The following SAMD12 variants were observed in gnomAD, a reference collection of about 807,000 sequenced individuals.
The protein encoded by SAMD12 is sterile alpha motif domain-containing protein 12.
A neutral mutation model predicts 15.0 loss-of-function variants in SAMD12; 9 were observed. That is an observed-to-expected ratio of 0.60 (90% CI 0.36 to 1.05). The LOEUF is 1.05. SAMD12 is among the 50% of genes least tolerant of loss of function. SAMD12 has a pLI of 0.01. For synonymous variants in SAMD12, 86 were observed against 90.1 expected (o/e 0.96, Z 0.25); for missense variants, 230 against 234.2 (o/e 0.98, Z 0.12).
intron 2 of SAMD12, among the ~76,000 whole-genome samples, chr8:118,512,746 T>TCTTTGA (rs1481126221): frequency 1.3e-5 from 2 of 152,214 alleles, no homozygotes; most frequent in Non-Finnish European, 2.9e-5. Context: ...CTTTTGTGCC[T>TCTTTGA]CTTTGACATT....
rs2130684066 is a variant in SAMD12 at position 118,372,088 on chromosome 8, T to C, written c.433+7472A>G. ...ACTAAATAAAAGGCATGAAAGAGCCTGGAAATTCAAGTAGCATAATTTGAG... is the reference window on the plus strand; with the variant it reads ...ACTAAATAAAAGGCATGAAAGAGCCCGGAAATTCAAGTAGCATAATTTGAG... On this transcript the variant is annotated intron_variant, in intron 4 of 4. Transcript: ENST00000409003. 5.3e-5 allele frequency among the ~76,000 whole-genome samples: 8 copies of C among 152,256 alleles called. No homozygotes were observed. The South Asian group carries it at 1.7e-3, about 32-fold the overall frequency.
intron 4 of SAMD12, among the ~76,000 whole-genome samples, chr8:118,327,133 T>C (rs367992290): frequency 6.6e-6 from 1 of 152,228 alleles, no homozygotes; most frequent in African/African-American, 2.4e-5. Flanking sequence ...AGAATTCTAA[T>C]GTGATTGATT....
chr8:118,137,416 C>G, the SAMD12 span, among the ~76,000 whole-genome samples: 1 of 152,154 alleles, frequency 6.6e-6, no homozygotes, highest in Non-Finnish European at 1.5e-5. Context: ...AAGGGAGTGG[C>G]CTCTGGTTCT....
intron 2 of SAMD12, among the ~76,000 whole-genome samples, chr8:118,567,621 CTGCTA>C (rs1826887845): frequency 6.6e-6 from 1 of 152,176 alleles, no homozygotes; most frequent in Non-Finnish European, 1.5e-5. Context: ...GGCCAAAAAT[CTGCTA>C]TTGGGATTTG....
At chr8:118,418,108 T>C (rs4876415) in intron 3 of SAMD12, among the ~76,000 whole-genome samples, 35,868 of 152,192 alleles carry the variant, frequency 0.24, 4,686 homozygotes, top group Admixed American at 0.4. Flanking sequence ...TACTGTGGAA[T>C]AGGACGATTT....
chr8:118,276,339 T>A (rs928563130), intron 4 of SAMD12, among the ~76,000 whole-genome samples: 2 of 152,256 alleles, frequency 1.3e-5, no homozygotes, highest in South Asian at 2.1e-4. Flanking sequence ...GCCTGAAGAA[T>A]GTTAACTTTG....
At chr8:118,394,285 T>C (rs1820438541) in intron 3 of SAMD12, among the ~76,000 whole-genome samples, 1 of 152,206 alleles carries the variant, frequency 6.6e-6, no homozygotes, top group South Asian at 2.1e-4. Flanking sequence ...TCAAATATCT[T>C]TCCTCCCTTC....
chr8:118,494,888 C>T (rs1048058253), intron 2 of SAMD12, among the ~76,000 whole-genome samples: 2 of 152,092 alleles, frequency 1.3e-5, no homozygotes, highest in African/African-American at 4.8e-5. Context: ...TTCCATCTAC[C>T]CCAAATAATG....
chr8:118,492,629 T>A (rs1824484471), intron 2 of SAMD12, among the ~76,000 whole-genome samples: 1 of 152,158 alleles, frequency 6.6e-6, no homozygotes, highest in Non-Finnish European at 1.5e-5. Flanking sequence ...ATGTCACTTG[T>A]ATTATTACAG....
chr8:118,176,058 T>C, the SAMD12 span, among the ~76,000 whole-genome samples: 4 of 152,140 alleles, frequency 2.6e-5, no homozygotes, highest in East Asian at 7.7e-4. Context: ...TCCCAGCGCT[T>C]TGGGAGGCCA....
intron 4 of SAMD12, among the ~76,000 whole-genome samples, chr8:118,325,029 G>A (rs1816500982): frequency 1.3e-5 from 2 of 152,148 alleles, no homozygotes; most frequent in African/African-American, 2.4e-5. Flanking sequence ...GAGCAAACAT[G>A]ACTGGGAAGA....
At chr8:118,269,216 CTCTCTGTGTGTG>C (rs1419169853) in intron 4 of SAMD12, among the ~76,000 whole-genome samples, 45 of 116,944 alleles carry the variant, frequency 3.8e-4, no homozygotes, top group African/African-American at 4.5e-4. Context: ...CTCTCTCTCT[CTCTCTGTGTGTG>C]TGTGTGTGTG....
At chr8:118,540,589 A>G (rs897714822) in intron 2 of SAMD12, among the ~76,000 whole-genome samples, 1 of 152,142 alleles carries the variant, frequency 6.6e-6, no homozygotes, top group Non-Finnish European at 1.5e-5. Context: ...TGCGTCTTTT[A>G]CAGAATTCTA....
intron 4 of SAMD12, among the ~76,000 whole-genome samples, chr8:118,361,022 T>C (rs1441385053): frequency 6.6e-6 from 1 of 152,152 alleles, no homozygotes; most frequent in African/African-American, 2.4e-5. Context: ...CTAAATGTTC[T>C]GGTGGTCTAG....
At chr8:118,552,826 A>G (rs1181621822) in intron 2 of SAMD12, among the ~76,000 whole-genome samples, 2 of 152,164 alleles carry the variant, frequency 1.3e-5, no homozygotes, top group African/African-American at 2.4e-5. Context: ...AAGCAACTTC[A>G]GCAAAGTCTC....
intron 3 of SAMD12, among the ~76,000 whole-genome samples, chr8:118,391,796 T>C (rs1820288445): frequency 6.6e-6 from 1 of 152,216 alleles, no homozygotes; most frequent in Non-Finnish European, 1.5e-5. Context: ...GAAGAGACAG[T>C]AACATACTTT....
intron 2 of SAMD12, among the ~76,000 whole-genome samples, chr8:118,468,127 G>A (rs934229923): frequency 6.6e-6 from 1 of 152,126 alleles, no homozygotes; most frequent in African/African-American, 2.4e-5. Context: ...GTAACACACA[G>A]CAGAGTACCC....
At chr8:118,319,036 C>T (rs187770696) in intron 4 of SAMD12, among the ~76,000 whole-genome samples, 4 of 152,212 alleles carry the variant, frequency 2.6e-5, no homozygotes. Context: ...AAGTGAAGGG[C>T]TATCCAGGGA....
chr8:118,153,164 T>C, the SAMD12 span, among the ~76,000 whole-genome samples: 1 of 152,212 alleles, frequency 6.6e-6, no homozygotes, highest in Non-Finnish European at 1.5e-5. Flanking sequence ...AAAATAATTA[T>C]TTATTTTTCC....
Sources: allele counts gnomAD v4.1 joint callset (sites outside exome capture counted in the v4.1 genomes callset), GRCh38; gene constraint gnomAD v4.1.1; transcripts MANE v1.5; gene names NCBI Gene and HGNC (gene_info 2026-07-23, HGNC 2026-07-21).